Variants in PTPN13 observed in about 807,000 individuals in gnomAD.
The protein encoded by PTPN13 is protein tyrosine phosphatase non-receptor type 13, also known as tyrosine-protein phosphatase non-receptor type 13.
Under a neutral mutation model 284.0 loss-of-function variants are expected in PTPN13, and 191 were observed. The observed-to-expected ratio is 0.67, with a 90% CI of 0.60 to 0.76. The LOEUF is 0.76. Ranked by LOEUF, PTPN13 falls within the 30% of genes least tolerant of loss-of-function variation. The pLI is 0.00. For missense variants in PTPN13, 2,797 were observed against 2,939.9 expected, an observed-to-expected ratio of 0.95 and a Z score of 1.12; for synonymous variants, 986 against 1,022.3, an observed-to-expected ratio of 0.96 and a Z score of 0.68.
At chr4:86,729,924 C>T (rs936671542) in intron 10 of PTPN13, among the ~76,000 whole-genome samples, 1 of 149,782 alleles carries the variant, frequency 6.7e-6, no homozygotes, top group Admixed American at 6.7e-5. Flanking sequence ...AAGAAGCACT[C>T]TGGTTTTTAG....
chr4:86,803,987 A>T (rs1445548363), intron 43 of PTPN13, 130 bp downstream of exon 43: 5 of 924,910 alleles, frequency 5.4e-6, no homozygotes, highest in Admixed American at 5.1e-5. Flanking sequence ...CCACCTTATC[A>T]TATCTAGCAG....
At chr4:86,684,755 A>G (rs1578410961) in intron 3 of PTPN13, among the ~76,000 whole-genome samples, 1 of 152,324 alleles carries the variant, frequency 6.6e-6, no homozygotes, top group Non-Finnish European at 1.5e-5. Context: ...ACAAGAAAAT[A>G]AGATGAAGCT....
chr4:86,742,808 A>G (rs1736302509), intron 16 of PTPN13, among the ~76,000 whole-genome samples: 1 of 152,220 alleles, frequency 6.6e-6, no homozygotes, highest in African/African-American at 2.4e-5. Context: ...TTGATTAATT[A>G]TAAATCCAGT....
chr4:86,806,260 T>TG (rs1294886776), intron 44 of PTPN13, among the ~76,000 whole-genome samples: 1 of 152,046 alleles, frequency 6.6e-6, no homozygotes. Flanking sequence ...TGTATGAATG[T>TG]GTGTGCCAAA....
At position 86,799,122 on chromosome 4, in the gene PTPN13, AAAG is replaced by A; in HGVS notation, c.6428_6430del (p.Lys2143del). Reference sequence around the variant, plus strand: ...ATAGCTTAATTCAGAAGCCACAAGAAAAGAAGACTGATGATGATGAAATAACAT... The same window carrying A: ...ATAGCTTAATTCAGAAGCCACAAGAAAAGACTGATGATGATGAAATAACAT... On this transcript the variant is annotated inframe_deletion, in exon 42 of 48. Transcript: ENST00000411767. 1 of 1,586,414 alleles carries A rather than the reference AAAG, an allele frequency of 6.3e-7. No homozygotes were observed. The highest frequency in any genetic ancestry group is 8.6e-7 in the Non-Finnish European group (1 of 1,168,120).
At chr4:86,694,645 T>C (rs1435092503) in intron 6 of PTPN13, among the ~76,000 whole-genome samples, 3 of 148,280 alleles carry the variant, frequency 2.0e-5, no homozygotes, top group African/African-American at 7.5e-5. Flanking sequence ...GTAAATATAA[T>C]TTTATGTGAC....
At chr4:86,751,473 T>C (rs1010777088) in intron 19 of PTPN13, among the ~76,000 whole-genome samples, 1 of 152,092 alleles carries the variant, frequency 6.6e-6, no homozygotes, top group African/African-American at 2.4e-5. Flanking sequence ...AGGAACGCAG[T>C]ACCACATCTG....
At chr4:86,799,704 C>T (rs1743775590) in intron 42 of PTPN13, among the ~76,000 whole-genome samples, 1 of 151,618 alleles carries the variant, frequency 6.6e-6, no homozygotes, top group Non-Finnish European at 1.5e-5. Context: ...CAGATATTTG[C>T]ACAGTTATAT....
rs557699204 is a variant in PTPN13 at position 86,739,614 on chromosome 4, C to G, written c.2305-2020C>G. Among the ~76,000 whole-genome samples, 12 of 152,276 alleles carry G rather than the reference C, an allele frequency of 7.9e-5. No individual in the cohort carries two copies. The South Asian group carries it at 2.5e-3, about 32-fold the overall frequency. Reference sequence around the variant, plus strand: ...GGTGAGGACACAGCCAAACCATATTCCACTTCTGGCCCCTCCCAAATCTCA... The same window carrying G: ...GGTGAGGACACAGCCAAACCATATTGCACTTCTGGCCCCTCCCAAATCTCA... On this transcript the variant is annotated intron_variant, in intron 15 of 47. Coordinates refer to ENST00000411767, the MANE Select transcript of PTPN13 (RefSeq NM_080683.3).
intron 1 of PTPN13, among the ~76,000 whole-genome samples, chr4:86,629,016 C>T (rs1047468162): frequency 1.3e-4 from 19 of 151,936 alleles, no homozygotes; most frequent in Non-Finnish European, 1.3e-4. Context: ...GGGTATATAC[C>T]CAGTCAGGAC....
chr4:86,596,023 A>T (rs1251472272), intron 1 of PTPN13, among the ~76,000 whole-genome samples: 1 of 152,150 alleles, frequency 6.6e-6, no homozygotes, highest in Non-Finnish European at 1.5e-5. Context: ...TTTGTTAGTA[A>T]ATTCATACAT....
intron 1 of PTPN13, among the ~76,000 whole-genome samples, chr4:86,612,744 G>A (rs1257196515): frequency 1.3e-5 from 2 of 152,136 alleles, no homozygotes; most frequent in African/African-American, 2.4e-5. Context: ...ATTGGGTTAC[G>A]TACAGAGGAA....
intron 2 of PTPN13, among the ~76,000 whole-genome samples, chr4:86,644,299 AT>A (rs902202527): frequency 2.6e-5 from 4 of 151,718 alleles, no homozygotes; most frequent in Admixed American, 6.6e-5. Context: ...GCTCGGCCAA[AT>A]TTTTTTTGTG....
chr4:86,732,285 A>C, intron 10 of PTPN13, 115 bp from the exon 11 acceptor site: 1 of 852,750 alleles, frequency 1.2e-6, no homozygotes, highest in Non-Finnish European at 1.8e-6. Context: ...CCTAGTTCTA[A>C]TGTGGTGATT....
Position 86,714,922 on chromosome 4 carries a change from C to T in PTPN13, c.1196-1608C>T, listed in dbSNP as rs192205982. On this transcript the variant is annotated intron_variant, in intron 7 of 47. Coordinates refer to ENST00000411767, the MANE Select transcript of PTPN13 (RefSeq NM_080683.3). ...AGAGTTGCAATTAAGCATGAGGCAA[C>T]GTGAAAGTAAGAGGAGCAATGTCTA... Among the ~76,000 whole-genome samples the T allele has an allele frequency of 2.9e-4, 44 of 151,992 alleles. 1 individual carries two copies. The East Asian group carries it at 6.4e-3, about 22-fold the overall frequency.
intron 2 of PTPN13, among the ~76,000 whole-genome samples, chr4:86,646,407 C>G (rs1015680495): frequency 6.6e-6 from 1 of 151,844 alleles, no homozygotes; most frequent in African/African-American, 2.4e-5. Context: ...AAGGGATCCT[C>G]CCACCTCAGC....
At chr4:86,695,025 CAGAACTCTCATATCTG>C (rs2148983263) in intron 6 of PTPN13, among the ~76,000 whole-genome samples, 1 of 152,094 alleles carries the variant, frequency 6.6e-6, no homozygotes, top group African/African-American at 2.4e-5. Flanking sequence ...TTTACAGAGT[CAGAACTCTCATATCTG>C]AGAGGAAGGA....
intron 40 of PTPN13, among the ~76,000 whole-genome samples, chr4:86,793,764 T>C (rs1255752252): frequency 2.0e-5 from 3 of 152,132 alleles, no homozygotes; most frequent in Admixed American, 1.3e-4. Context: ...ACTGGGTATA[T>C]AACAAAATGA....
At chr4:86,643,105 T>C (rs1377475775) in intron 2 of PTPN13, among the ~76,000 whole-genome samples, 1 of 152,208 alleles carries the variant, frequency 6.6e-6, no homozygotes, top group African/African-American at 2.4e-5. Flanking sequence ...TAGGCAAGGA[T>C]ATAAATCCCT....
Sources: allele counts gnomAD v4.1 joint callset (sites outside exome capture counted in the v4.1 genomes callset), GRCh38; gene constraint gnomAD v4.1.1; transcripts MANE v1.5; gene names NCBI Gene and HGNC (gene_info 2026-07-23, HGNC 2026-07-21).